GNB5: variants seen among roughly 807,000 people sequenced by gnomAD.
The protein encoded by GNB5 is guanine nucleotide-binding protein subunit beta-5.
A neutral mutation model predicts 55.3 loss-of-function variants in GNB5; 37 were observed. The ratio of observed to expected loss-of-function variants is 0.67; its 90% CI spans 0.51 to 0.88. The LOEUF is 0.88. GNB5 is among the 40% of genes least tolerant of loss of function. The pLI is 0.00. For missense variants in GNB5, 476 were observed against 515.3 expected (o/e 0.92, Z 0.74); for synonymous variants, 219 against 198.5 (o/e 1.10, Z -0.87).
intron 2 of GNB5, among the ~76,000 whole-genome samples, chr15:52,183,621 C>T (rs1472759286): frequency 1.3e-5 from 2 of 152,128 alleles, no homozygotes; most frequent in Non-Finnish European, 2.9e-5. Context: ...TTTTCTTTTT[C>T]AGTTAGATAA....
At chr15:52,128,954 CTTTTTTTTTTT>C in intron 9 of GNB5, among the ~76,000 whole-genome samples, 1 of 127,030 alleles carries the variant, frequency 7.9e-6, no homozygotes, top group East Asian at 2.3e-4. Context: ...ATTGTTTCTC[CTTTTTTTTTTT>C]TTTTTTTTGA....
chr15:52,156,659 G>T (rs1566943068), intron 3 of GNB5, among the ~76,000 whole-genome samples: 1 of 152,064 alleles, frequency 6.6e-6, no homozygotes, highest in Non-Finnish European at 1.5e-5. Context: ...TGAGCCCGGG[G>T]GCAAAGGTCG....
At chr15:52,142,862 T>C (rs2033888347) in intron 6 of GNB5, among the ~76,000 whole-genome samples, 1 of 150,514 alleles carries the variant, frequency 6.6e-6, no homozygotes, top group Non-Finnish European at 1.5e-5. Context: ...GTTTATACAA[T>C]GTGCGGAGGA....
intron 1 of GNB5, among the ~76,000 whole-genome samples, 198 bp downstream of exon 1, chr15:52,191,124 T>C (rs2034920669): frequency 6.6e-6 from 1 of 152,212 alleles, no homozygotes; most frequent in Non-Finnish European, 1.5e-5. Flanking sequence ...TTTGAAATAT[T>C]TGAAATTTAC....
intron 4 of GNB5, among the ~76,000 whole-genome samples, chr15:52,150,372 A>G (rs2034066216): frequency 6.6e-6 from 1 of 152,022 alleles, no homozygotes; most frequent in South Asian, 2.1e-4. Context: ...CCTTTCCCCG[A>G]TTTGCTTTGG....
At chr15:52,125,042 C>G (rs185571683) in intron 11 of GNB5, 1 of 160,094 alleles carries the variant, frequency 6.2e-6, no homozygotes, top group East Asian at 1.8e-4. Flanking sequence ...AGGGTTGAAT[C>G]GGAGTCTGTC....
intron 3 of GNB5, among the ~76,000 whole-genome samples, chr15:52,156,025 T>C (rs1003383903): frequency 6.6e-6 from 1 of 152,094 alleles, no homozygotes; most frequent in African/African-American, 2.4e-5. Flanking sequence ...AGTGGTGATC[T>C]TTCTCACTCC....
chr15:52,159,831 C>T (rs1040189426), intron 3 of GNB5, among the ~76,000 whole-genome samples: 3 of 152,014 alleles, frequency 2.0e-5, no homozygotes, highest in African/African-American at 7.3e-5. Flanking sequence ...GGTCAGGGAG[C>T]CAGAGGGGAA....
chr15:52,156,873 T>C lies in GNB5; in HGVS notation c.239-2797A>G, dbSNP rs999363586. Among the ~76,000 whole-genome samples the C allele has an allele frequency of 4.6e-5, 7 of 152,206 alleles. No homozygotes were observed. In the East Asian group the frequency reaches 1.3e-3, roughly 29 times the overall value. On this transcript the variant is annotated intron_variant, in intron 3 of 12. Coordinates refer to ENST00000261837, the MANE Select transcript of GNB5 (RefSeq NM_016194.4). ...TGCCACAAACAGCATATTCGTCTTT[T>C]ACAAATACGTTCTTTACAAAATACA...
chr15:52,139,981 A>C, intron 7 of GNB5: 2 of 1,258,704 alleles, frequency 1.6e-6, no homozygotes, highest in Non-Finnish European at 2.1e-6. Flanking sequence ...AGGCCCAAAG[A>C]CATCTCATTT....
chr15:52,139,270 C>T (rs535178265), intron 7 of GNB5, among the ~76,000 whole-genome samples: 6 of 152,242 alleles, frequency 3.9e-5, no homozygotes, highest in African/African-American at 1.4e-4. Flanking sequence ...ACCAAGACCC[C>T]ATCACTACAA....
intron 3 of GNB5, among the ~76,000 whole-genome samples, chr15:52,176,701 T>G (rs1325803686): frequency 3.3e-5 from 5 of 152,154 alleles, no homozygotes; most frequent in African/African-American, 7.2e-5. Context: ...TGTCAAGAAC[T>G]CTTACCCCAG....
chr15:52,177,225 G>T (rs1170221242), intron 3 of GNB5, among the ~76,000 whole-genome samples: 1 of 151,328 alleles, frequency 6.6e-6, no homozygotes, highest in African/African-American at 2.4e-5. Context: ...AGTAGAGACG[G>T]GGTTTCACCA....
intron 3 of GNB5, among the ~76,000 whole-genome samples, chr15:52,179,557 C>A (rs539775768): frequency 6.6e-6 from 1 of 151,830 alleles, no homozygotes; most frequent in African/African-American, 2.4e-5. Context: ...GTGCCCGGAC[C>A]CTCCGAGGGC....
rs1490828673 is a variant in GNB5 at position 52,137,903 on chromosome 15, T to C, written c.628-2147A>G. ...CGTGGAGGAAGTGGCTCTTGCAGCA[T>C]AAGTGTCCACAAGAGAGCCCTTTGC... On this transcript the variant is annotated intron_variant, in intron 7 of 12. Coordinates refer to ENST00000261837, the MANE Select transcript of GNB5 (RefSeq NM_016194.4). The C allele has an allele frequency of 9.3e-6, 12 of 1,286,646 alleles. No individual in the cohort carries two copies. The Admixed American group carries it at 1.1e-4, about 12-fold the overall frequency. The allele number at this position is 1,286,646 out of a possible 1,614,324, so 79.7% of individuals were successfully genotyped here. A position where few individuals can be genotyped will look rare whatever the true frequency, so the allele number is the denominator to read the frequency against.
At chr15:52,153,477 T>C (rs2034143452) in intron 4 of GNB5, among the ~76,000 whole-genome samples, 1 of 152,186 alleles carries the variant, frequency 6.6e-6, no homozygotes, top group Non-Finnish European at 1.5e-5. Context: ...TTTGGAGGAA[T>C]AGATAACTAA....
chr15:52,119,589 G>C lies in GNB5; in HGVS notation c.*3168C>G, dbSNP rs1234765625. The C allele has an allele frequency of 1.3e-5, 2 of 152,120 alleles. No homozygotes were observed. Among genetic ancestry groups the C allele is most frequent in the Non-Finnish European group, 2.9e-5 (2 of 68,096 alleles). 9.4% of individuals were successfully genotyped at this position (152,120 alleles called of 1,614,324 possible). Reference sequence around the variant, plus strand: ...TAGGAAGGGGACTGAGGAGGACACAGGGAGAAGCTGGGAACTAACCCTTCC... The same window carrying C: ...TAGGAAGGGGACTGAGGAGGACACACGGAGAAGCTGGGAACTAACCCTTCC... On this transcript the variant is annotated 3_prime_UTR_variant, in exon 13 of 13. Coordinates refer to ENST00000261837, the MANE Select transcript of GNB5 (RefSeq NM_016194.4).
At chr15:52,171,797 G>A (rs921381251) in intron 3 of GNB5, among the ~76,000 whole-genome samples, 4 of 152,162 alleles carry the variant, frequency 2.6e-5, no homozygotes, top group African/African-American at 7.2e-5. Context: ...AAGCCATAAA[G>A]CATTCAATAA....
chr15:52,143,716 G>A (rs764967826), intron 6 of GNB5, among the ~76,000 whole-genome samples: 1 of 152,104 alleles, frequency 6.6e-6, no homozygotes, highest in Non-Finnish European at 1.5e-5. Context: ...ATGTGGCATC[G>A]GTGTGGGTCT....
Sources: gnomAD v4.1 joint callset for allele counts (sites outside exome capture counted in the v4.1 genomes callset) on GRCh38, gnomAD v4.1.1 for gene constraint, MANE v1.5 for transcripts, NCBI Gene and HGNC (gene_info 2026-07-23, HGNC 2026-07-21) for gene names.